EOGT: variants seen among roughly 807,000 people sequenced by gnomAD.
EOGT encodes the protein EGF domain-specific O-linked N-acetylglucosamine transferase.
A neutral mutation model predicts 70.5 loss-of-function variants in EOGT; 55 were observed. The ratio of observed to expected loss-of-function variants is 0.78; its 90% CI spans 0.63 to 0.98. EOGT has a LOEUF of 0.98. Ranked by LOEUF, EOGT falls within the 50% of genes least tolerant of loss-of-function variation. The probability of loss-of-function intolerance (pLI) is 0.00; values close to 1 mark genes in which losing one functional copy is unlikely to be tolerated. For synonymous variants in EOGT, 246 were observed against 217.1 expected (o/e 1.13, Z -1.17); for missense variants, 703 against 641.9 (o/e 1.10, Z -1.03).
intron 3 of EOGT, among the ~76,000 whole-genome samples, chr3:69,011,135 C>T (rs2091563167): frequency 6.6e-6 from 1 of 150,988 alleles, no homozygotes; most frequent in Admixed American, 6.6e-5. Flanking sequence ...CAGATTTCTC[C>T]TATATATCCC....
chr3:69,008,036 A>G (rs2091483441), intron 5 of EOGT, among the ~76,000 whole-genome samples: 2 of 152,230 alleles, frequency 1.3e-5, no homozygotes, highest in South Asian at 2.1e-4. Context: ...CATAACAGAC[A>G]TGTATGAAGT....
chr3:68,987,792 G>C, intron 13 of EOGT: 1 of 479,402 alleles, frequency 2.1e-6, no homozygotes, highest in Non-Finnish European at 3.7e-6. Context: ...ATTTGGGGAG[G>C]TGAGGGAGAT....
intron 10 of EOGT, among the ~76,000 whole-genome samples, chr3:68,989,338 C>T (rs1022860643): frequency 4.6e-5 from 7 of 152,110 alleles, no homozygotes; most frequent in African/African-American, 1.4e-4. Flanking sequence ...ATTATAGATA[C>T]ACACAACACA....
chr3:69,013,392 T>C (rs1233713697), intron 1 of EOGT, among the ~76,000 whole-genome samples, 182 bp downstream of exon 1: 1 of 151,770 alleles, frequency 6.6e-6, no homozygotes, highest in Non-Finnish European at 1.5e-5. Flanking sequence ...CAGGATCGGC[T>C]TCCGACGCCC....
At chr3:68,987,268 G>A (rs756151211) in intron 14 of EOGT, among the ~76,000 whole-genome samples, 177 bp downstream of exon 14, 4 of 152,142 alleles carry the variant, frequency 2.6e-5, no homozygotes, top group Non-Finnish European at 5.9e-5. Context: ...TCTATGGGTG[G>A]TTTGGTGAAT....
rs146415901 is a variant in EOGT at position 68,980,728 on chromosome 3, T to C, written c.1215-941A>G. ...ATCACAACGAGAACATGTGCCTCAG[T>C]TTCTCCAGGAATGTGAACTGATGCC... is the stretch of plus-strand genomic sequence containing the variant. On this transcript the variant is annotated intron_variant, in intron 15 of 17. Coordinates refer to ENST00000383701, the MANE Select transcript of EOGT (RefSeq NM_001278689.2). Among the ~76,000 whole-genome samples, 637 of 152,332 alleles carry C rather than the reference T, an allele frequency of 4.2e-3. 6 individuals carry two copies. The highest frequency in any genetic ancestry group is 7.5e-3 in the Non-Finnish European group (511 of 68,026).
intron 9 of EOGT, 115 bp from the exon 10 acceptor site, chr3:68,998,229 G>A (rs986701590): frequency 3.1e-6 from 2 of 637,870 alleles, no homozygotes; most frequent in African/African-American, 1.9e-5. Flanking sequence ...AATAAATGGG[G>A]AAAAAAATAA....
intron 10 of EOGT, among the ~76,000 whole-genome samples, chr3:68,995,264 C>T (rs971866822): frequency 3.9e-5 from 6 of 152,184 alleles, no homozygotes; most frequent in African/African-American, 1.4e-4. Context: ...GCCACACAAA[C>T]CCTTACTTAG....
intron 6 of EOGT, among the ~76,000 whole-genome samples, chr3:69,005,702 C>T (rs1272680064): frequency 6.6e-6 from 1 of 152,170 alleles, no homozygotes; most frequent in African/African-American, 2.4e-5. Flanking sequence ...AACCGTAAAG[C>T]TTGTGGGAGC....
rs1460945530 is a variant in EOGT, at chr3:69,005,206, T to A, written c.449A>T (p.Tyr150Phe). The A allele has an allele frequency of 1.9e-6, 3 of 1,604,748 alleles. No individual in the cohort carries two copies. The highest frequency in any genetic ancestry group is 2.6e-6 in the Non-Finnish European group (3 of 1,172,616). ...TSDSSLVCSR[Y>F]LQYCRATNLY... ...ATTGGTTGCTCTGCAGTACTGAAGA[T>A]AACGGGAACACACCAGACTTGAGTC... The change falls in exon 7 of 18, where the codon TAT (tyrosine) becomes TTT (phenylalanine). Residue 150 changes from tyrosine to phenylalanine, a missense_variant. By Grantham distance (22) the Tyr-to-Phe change is conservative. Transcript: ENST00000383701.
At position 68,988,644 on chromosome 3, in the gene EOGT, A is replaced by C. The variant is rs1317888251; in HGVS notation, c.925-67T>G. On this transcript the variant is annotated intron_variant, in intron 11 of 17. Coordinates refer to ENST00000383701, the MANE Select transcript of EOGT (RefSeq NM_001278689.2). ...CTTCACACCAAAAATAGCACGTATA[A>C]TTTTGAGAAATAGATTTTAATTAAT... 1.2e-5 allele frequency: 11 copies of C among 925,310 alleles called. No homozygotes were observed. In the Admixed American group the frequency reaches 2.4e-4, roughly 20 times the overall value. 57.3% of individuals were successfully genotyped at this position (925,310 alleles called of 1,614,324 possible).
chr3:69,013,459 G>A (rs895036061), intron 1 of EOGT, 115 bp downstream of exon 1: 3 of 152,364 alleles, frequency 2.0e-5, no homozygotes, highest in African/African-American at 4.8e-5. Flanking sequence ...GTAGGCTATA[G>A]CCCTCCGGGA....
At chr3:69,002,351 G>GT (rs2091318909) in intron 8 of EOGT, among the ~76,000 whole-genome samples, 1 of 152,098 alleles carries the variant, frequency 6.6e-6, no homozygotes, top group South Asian at 2.1e-4. Flanking sequence ...ACAACAATAG[G>GT]TAATAAATAT....
chr3:69,004,414 G>A lies in EOGT; in HGVS notation c.584C>T (p.Thr195Met), dbSNP rs150371862. The A allele has an allele frequency of 3.5e-5, 57 of 1,614,044 alleles. No individual in the cohort carries two copies. The African/African-American group carries it at 5.6e-4, about 16-fold the overall frequency. ...AGGGCTTTTGCGCTGACCTTCAGAC[G>A]TCAATGTACGGATGTCAAGTTTACA... Reference protein sequence around the residue: ...GHCKLDIRTLTSEGQRKSPLQ... With the variant: ...GHCKLDIRTLMSEGQRKSPLQ... Residue 195 changes from threonine (T) to methionine (M), a missense_variant, in exon 8 of 18, where the codon ACG becomes ATG. Thr to Met is a moderately conservative substitution (Grantham distance 81). Coordinates refer to ENST00000383701, the MANE Select transcript of EOGT (RefSeq NM_001278689.2).
At position 68,976,758 on chromosome 3, in the gene EOGT, T is replaced by C. The variant is rs1381540646; in HGVS notation, c.*860A>G. 6.6e-6 allele frequency: 1 copy of C among 152,396 alleles called. No individual in the cohort carries two copies. The highest frequency in any genetic ancestry group is 1.9e-4 in the East Asian group (1 of 5,186). The allele number at this position is 152,396 out of a possible 1,614,324, so 9.4% of individuals were successfully genotyped here. On this transcript the variant is annotated 3_prime_UTR_variant, in exon 18 of 18. Transcript: ENST00000383701. ...AAGAACAGTTGTAAATTTACCCAAA[T>C]ATATCATAAACAAGTTGGAACACTC...
At chr3:69,010,320 T>C (rs1300618302) in intron 3 of EOGT, among the ~76,000 whole-genome samples, 2 of 152,260 alleles carry the variant, frequency 1.3e-5, no homozygotes, top group African/African-American at 2.4e-5. Flanking sequence ...TGGTCTATTA[T>C]AAAAGAATGG....
In EOGT at chr3:68,976,858, T is replaced by C. The variant is rs1187523166; in HGVS notation, c.*760A>G. The C allele has an allele frequency of 6.6e-6, 1 of 152,628 alleles. No homozygotes were observed. Among genetic ancestry groups the C allele is most frequent in the Non-Finnish European group, 1.5e-5 (1 of 68,040 alleles). The allele number at this position is 152,628 out of a possible 1,614,324, so 9.5% of individuals were successfully genotyped here. On this transcript the variant is annotated 3_prime_UTR_variant, in exon 18 of 18. Transcript: ENST00000383701. Reference sequence around the variant, plus strand: ...GCTGAAAAAGTTGAAAACTTTGGTATTCCTAAAAAGAGAAAGTTCAGGGCC... The same window carrying C: ...GCTGAAAAAGTTGAAAACTTTGGTACTCCTAAAAAGAGAAAGTTCAGGGCC...
intron 7 of EOGT, 124 bp downstream of exon 7, chr3:69,005,016 T>G (rs2107363119): frequency 1.6e-6 from 1 of 607,990 alleles, no homozygotes; most frequent in African/African-American, 1.9e-5. Context: ...GAGCCATGAT[T>G]ACACCGCTGC....
intron 10 of EOGT, among the ~76,000 whole-genome samples, chr3:68,990,197 T>C (rs912310842): frequency 6.6e-6 from 1 of 152,144 alleles, no homozygotes; most frequent in Non-Finnish European, 1.5e-5. Context: ...ATTTTGCAGA[T>C]GAGGAAACTG....
Sources: gnomAD v4.1 joint callset for allele counts (sites outside exome capture counted in the v4.1 genomes callset) on GRCh38, gnomAD v4.1.1 for gene constraint, MANE v1.5 for transcripts, NCBI Gene and HGNC (gene_info 2026-07-23, HGNC 2026-07-21) for gene names.